The following MAF variants were observed in gnomAD, a reference collection of about 807,000 sequenced individuals.
The protein encoded by MAF is MAF bZIP transcription factor, also known as transcription factor Maf.
MAF carries 10 observed loss-of-function variants against 22.0 expected under a neutral mutation model. The observed-to-expected ratio is 0.45, with a 90% CI of 0.28 to 0.77. The LOEUF is 0.77. Ranked by LOEUF, MAF falls within the 30% of genes least tolerant of loss-of-function variation. MAF has a pLI of 0.12. For synonymous variants in MAF, 337 were observed against 255.8 expected (o/e 1.32, Z -3.03); for missense variants, 544 against 548.4 (o/e 0.99, Z 0.08).
At chr16:79,402,155 C>T in the MAF span, among the ~76,000 whole-genome samples, 1 of 152,160 alleles carries the variant, frequency 6.6e-6, no homozygotes, top group Non-Finnish European at 1.5e-5. Flanking sequence ...TTCTGAGCCT[C>T]TGTTGACCTA....
At chr16:79,300,637 G>A in the MAF span, among the ~76,000 whole-genome samples, 1 of 118,472 alleles carries the variant, frequency 8.4e-6, no homozygotes, top group South Asian at 2.7e-4. Context: ...AGTTCCTAAA[G>A]ATTATGAAAA....
At chr16:79,516,527 G>T in the MAF span, among the ~76,000 whole-genome samples, 3 of 152,312 alleles carry the variant, frequency 2.0e-5, no homozygotes, top group East Asian at 5.8e-4. Context: ...CCCAAAGCTA[G>T]TAATAGATGT....
At chr16:79,460,363 C>T in the MAF span, among the ~76,000 whole-genome samples, 10,199 of 152,190 alleles carry the variant, frequency 0.067, 453 homozygotes, top group East Asian at 0.19. Context: ...AACCAATTGT[C>T]CCGACAATAT....
chr16:79,512,436 TG>T, the MAF span, among the ~76,000 whole-genome samples: 2 of 152,090 alleles, frequency 1.3e-5, no homozygotes, highest in Non-Finnish European at 2.9e-5. Flanking sequence ...AGCGGTGCAG[TG>T]GGTTCCACAT....
At chr16:79,417,872 T>C in the MAF span, among the ~76,000 whole-genome samples, 1 of 152,146 alleles carries the variant, frequency 6.6e-6, no homozygotes, top group Non-Finnish European at 1.5e-5. Context: ...CTTTCCACGA[T>C]AACGCATCCG....
the MAF span, among the ~76,000 whole-genome samples, chr16:79,226,263 G>C: frequency 6.6e-6 from 1 of 152,262 alleles, no homozygotes; most frequent in East Asian, 1.9e-4. Context: ...AACATTCTCA[G>C]CAAACCAACA....
chr16:79,309,796 G>A, the MAF span, among the ~76,000 whole-genome samples: 4 of 152,112 alleles, frequency 2.6e-5, no homozygotes, highest in Admixed American at 6.5e-5. Flanking sequence ...AAACAAAACC[G>A]GAAGAGCAAA....
At chr16:79,461,142 TTTTG>T in the MAF span, among the ~76,000 whole-genome samples, 2 of 152,152 alleles carry the variant, frequency 1.3e-5, no homozygotes, top group African/African-American at 4.8e-5. Flanking sequence ...CTTATGTGTG[TTTTG>T]TTTATCTGTG....
the MAF span, among the ~76,000 whole-genome samples, chr16:79,485,798 T>C: frequency 2.0e-5 from 3 of 152,146 alleles, no homozygotes; most frequent in Non-Finnish European, 4.4e-5. Flanking sequence ...ACTCGGTGTC[T>C]TGCCAAACAG....
chr16:79,482,971 T>C, the MAF span, among the ~76,000 whole-genome samples: 1 of 51,750 alleles, frequency 1.9e-5, no homozygotes, highest in South Asian at 1.5e-3. Context: ...CCTCTGTCCC[T>C]CCTTCCCTCC....
the MAF span, among the ~76,000 whole-genome samples, chr16:79,448,584 C>T: frequency 6.6e-6 from 1 of 151,874 alleles, no homozygotes; most frequent in Admixed American, 6.6e-5. Context: ...TGCCACAATG[C>T]CCAGTTAATT....
chr16:79,248,724 T>A, the MAF span, among the ~76,000 whole-genome samples: 1 of 152,128 alleles, frequency 6.6e-6, no homozygotes, highest in African/African-American at 2.4e-5. Flanking sequence ...GGTTTCATGC[T>A]GCCAAGTGTT....
chr16:79,399,652 C>G, the MAF span, among the ~76,000 whole-genome samples: 6 of 152,244 alleles, frequency 3.9e-5, no homozygotes, highest in South Asian at 1.0e-3. Flanking sequence ...GTAGAAAGAA[C>G]CAATGATACA....
the MAF span, among the ~76,000 whole-genome samples, chr16:79,214,914 T>G: frequency 6.6e-6 from 1 of 151,454 alleles, no homozygotes; most frequent in Non-Finnish European, 1.5e-5. Flanking sequence ...TTGACCATGT[T>G]GGCCAGGCTG....
chr16:79,327,361 G>C, the MAF span, among the ~76,000 whole-genome samples: 4 of 152,096 alleles, frequency 2.6e-5, no homozygotes, highest in Non-Finnish European at 5.9e-5. Context: ...TTTGTTATCA[G>C]AGTTGTGCTT....
chr16:79,363,728 G>A, the MAF span, among the ~76,000 whole-genome samples: 1 of 152,202 alleles, frequency 6.6e-6, no homozygotes, highest in African/African-American at 2.4e-5. Flanking sequence ...TGACCTCAGT[G>A]AATGGGGTCA....
the MAF span, among the ~76,000 whole-genome samples, chr16:79,320,539 A>G: frequency 1.1e-4 from 17 of 152,268 alleles, no homozygotes; most frequent in Admixed American, 2.0e-4. Flanking sequence ...TACTCCCCCA[A>G]TCTACCTAGA....
the MAF span, among the ~76,000 whole-genome samples, chr16:79,271,746 T>G: frequency 6.6e-6 from 1 of 152,250 alleles, no homozygotes. Context: ...GGATGTGACT[T>G]GAGACATCTA....
At chr16:79,598,336 GGAA>G (rs1913696418) in intron 1 of MAF, 4 of 1,115,206 alleles carry the variant, frequency 3.6e-6, no homozygotes, top group Non-Finnish European at 2.2e-6. Context: ...GAACTGAAGG[GGAA>G]GAAGAAGAAA....
Sources: gnomAD v4.1 joint callset for allele counts (sites outside exome capture counted in the v4.1 genomes callset) on GRCh38, gnomAD v4.1.1 for gene constraint, MANE v1.5 for transcripts, NCBI Gene and HGNC (gene_info 2026-07-23, HGNC 2026-07-21) for gene names.